The following PIGL variants were observed in gnomAD, a reference collection of about 807,000 sequenced individuals.
PIGL encodes the protein N-acetylglucosaminyl-phosphatidylinositol de-N-acetylase.
PIGL carries 22 observed loss-of-function variants against 31.1 expected under a neutral mutation model. That is an observed-to-expected ratio of 0.71 (90% CI 0.51 to 1.01). The LOEUF (loss-of-function observed/expected upper bound fraction) is 1.01, where lower values mean the gene tolerates loss of function less well. PIGL is among the 50% of genes least tolerant of loss of function. PIGL has a pLI of 0.00. For missense variants in PIGL, 302 were observed against 315.9 expected, an observed-to-expected ratio of 0.96 and a Z score of 0.33; for synonymous variants, 131 against 117.4, an observed-to-expected ratio of 1.12 and a Z score of -0.75.
intron 2 of PIGL, among the ~76,000 whole-genome samples, chr17:16,235,293 C>G (rs1207418188): frequency 6.6e-6 from 1 of 152,104 alleles, no homozygotes; most frequent in South Asian, 2.1e-4. Context: ...CGACAAGGAC[C>G]ACACATTATA....
At chr17:16,237,377 G>A (rs1233511033) in intron 2 of PIGL, among the ~76,000 whole-genome samples, 1 of 151,360 alleles carries the variant, frequency 6.6e-6, no homozygotes, top group East Asian at 1.9e-4. Context: ...CAAAGTGCTG[G>A]GATTACAGAC....
chr17:16,221,616 ATTTTTG>A (rs1264158457), intron 1 of PIGL, among the ~76,000 whole-genome samples: 3 of 151,448 alleles, frequency 2.0e-5, no homozygotes, highest in Non-Finnish European at 4.4e-5. Context: ...TACCTGGCTA[ATTTTTG>A]TTTTTGTTTT....
At chr17:16,230,456 G>A (rs1216131667) in intron 1 of PIGL, among the ~76,000 whole-genome samples, 1 of 152,064 alleles carries the variant, frequency 6.6e-6, no homozygotes, top group African/African-American at 2.4e-5. Context: ...AATAGATCTT[G>A]ACATAGCATC....
intron 2 of PIGL, among the ~76,000 whole-genome samples, chr17:16,245,226 C>T (rs1375770922): frequency 2.0e-5 from 3 of 151,936 alleles, no homozygotes; most frequent in Non-Finnish European, 2.9e-5. Context: ...CTCTTGACCT[C>T]GTGATCCACC....
chr17:16,235,495 G>A (rs1388882435), intron 2 of PIGL, among the ~76,000 whole-genome samples: 1 of 129,554 alleles, frequency 7.7e-6, no homozygotes, highest in East Asian at 2.3e-4. Context: ...CGCCCAGCCT[G>A]GAGTGCAGTG....
intron 2 of PIGL, among the ~76,000 whole-genome samples, chr17:16,235,550 G>A (rs1487661531): frequency 2.0e-5 from 3 of 148,144 alleles, no homozygotes; most frequent in Non-Finnish European, 1.5e-5. Flanking sequence ...GGATTCAAGC[G>A]GTTCTCCCCC....
chr17:16,242,025 C>T (rs1014776885), intron 2 of PIGL, among the ~76,000 whole-genome samples: 5 of 151,996 alleles, frequency 3.3e-5, no homozygotes, highest in Non-Finnish European at 7.4e-5. Context: ...TATTGAATTA[C>T]TGGGTCAGAG....
At chr17:16,313,147 C>A (rs1277444648) in intron 3 of PIGL, among the ~76,000 whole-genome samples, 3 of 152,020 alleles carry the variant, frequency 2.0e-5, no homozygotes, top group Non-Finnish European at 4.4e-5. Flanking sequence ...CTTTTTTTGC[C>A]CTCAGTATGG....
intron 6 of PIGL, among the ~76,000 whole-genome samples, chr17:16,323,715 T>A (rs1274045436): frequency 7.2e-6 from 1 of 139,118 alleles, no homozygotes; most frequent in Non-Finnish European, 1.5e-5. Flanking sequence ...TGGGTTCAAG[T>A]GATTCTCCTG....
chr17:16,324,890 TCA>T, intron 6 of PIGL, among the ~76,000 whole-genome samples: 1 of 152,244 alleles, frequency 6.6e-6, no homozygotes, highest in Middle Eastern at 3.4e-3. Flanking sequence ...GAACGACAAC[TCA>T]CACCTGTGTG....
At chr17:16,310,364 T>A (rs1406877862) in intron 3 of PIGL, among the ~76,000 whole-genome samples, 1 of 151,684 alleles carries the variant, frequency 6.6e-6, no homozygotes, top group African/African-American at 2.4e-5. Flanking sequence ...GTACTTATCT[T>A]TTCAAATAAG....
At chr17:16,227,094 AC>A (rs1325811292) in intron 1 of PIGL, among the ~76,000 whole-genome samples, 3 of 150,958 alleles carry the variant, frequency 2.0e-5, no homozygotes, top group African/African-American at 7.3e-5. Context: ...TATTTTTAAT[AC>A]TGCTTTTTTG....
intron 2 of PIGL, among the ~76,000 whole-genome samples, chr17:16,274,723 C>CA (rs536998016): frequency 0.011 from 1,428 of 133,762 alleles, 14 homozygotes; most frequent in South Asian, 0.026. Context: ...GACTACGTCT[C>CA]AAAAAAAAAA....
intron 2 of PIGL, among the ~76,000 whole-genome samples, chr17:16,296,549 G>A (rs2092982927): frequency 6.6e-6 from 1 of 150,946 alleles, no homozygotes. Flanking sequence ...GGCGGAGGTT[G>A]CAGTGAGCTG....
chr17:16,237,398 G>A (rs2092703773), intron 2 of PIGL, among the ~76,000 whole-genome samples: 1 of 151,380 alleles, frequency 6.6e-6, no homozygotes, highest in South Asian at 2.1e-4. Context: ...GTGAGCCACT[G>A]CGCCTGGCCT....
intron 2 of PIGL, among the ~76,000 whole-genome samples, chr17:16,268,451 T>C (rs919773329): frequency 4.6e-5 from 7 of 152,188 alleles, no homozygotes; most frequent in African/African-American, 1.7e-4. Context: ...TTGTTTTGTT[T>C]GTTTTGTTTT....
chr17:16,301,488 C>T lies in PIGL; in HGVS notation c.426+1510C>T, dbSNP rs555397738. 1.3e-4 allele frequency among the ~76,000 whole-genome samples: 20 copies of T among 152,082 alleles called. No individual in the cohort carries two copies. In the South Asian group the frequency reaches 1.4e-3, roughly 11 times the overall value. On this transcript the variant is annotated intron_variant, in intron 3 of 6. Coordinates refer to ENST00000225609, the MANE Select transcript of PIGL (RefSeq NM_004278.4). ...CCATGTTGATCAGGCTGGTCTCAAA[C>T]TCCTGACCTCGTGATCTGCCTGCCT...
Position 16,287,209 on chromosome 17 carries a change from C to T in PIGL, c.336-12679C>T, listed in dbSNP as rs371227809. 1.1e-4 allele frequency among the ~76,000 whole-genome samples: 17 copies of T among 152,318 alleles called. 1 individual carries two copies. The East Asian group carries it at 2.7e-3, about 24-fold the overall frequency. Reference sequence around the variant, plus strand: ...TCGCCTCAGGCCCACACTGCTCCTCCTGCTGTCTGCCCCAGGGCTTGCGAT... The same window carrying T: ...TCGCCTCAGGCCCACACTGCTCCTCTTGCTGTCTGCCCCAGGGCTTGCGAT... On this transcript the variant is annotated intron_variant, in intron 2 of 6. Transcript: ENST00000225609.
intron 2 of PIGL, among the ~76,000 whole-genome samples, chr17:16,277,757 A>C (rs1044711039): frequency 6.6e-6 from 1 of 152,230 alleles, no homozygotes; most frequent in South Asian, 2.1e-4. Context: ...TCCGTGGGTG[A>C]CAAAACACCT....
Sources: gnomAD v4.1 joint callset for allele counts (sites outside exome capture counted in the v4.1 genomes callset) on GRCh38, gnomAD v4.1.1 for gene constraint, MANE v1.5 for transcripts, NCBI Gene and HGNC (gene_info 2026-07-23, HGNC 2026-07-21) for gene names.